GYG2: variants seen among roughly 807,000 people sequenced by gnomAD.
GYG2 encodes the protein glycogenin-2.
In GYG2, 29 loss-of-function variants were observed where a neutral mutation model predicts 29.4. That is an observed-to-expected ratio of 0.99 (90% CI 0.74 to 1.35). The LOEUF (loss-of-function observed/expected upper bound fraction) is 1.35, where lower values mean the gene tolerates loss of function less well. GYG2 is among the 40% of genes most tolerant of loss of function. The pLI is 0.00. For missense variants in GYG2, 370 were observed against 385.7 expected (o/e 0.96, Z 0.34); for synonymous variants, 167 against 172.3 (o/e 0.97, Z 0.24).
intron 3 of GYG2, among the ~76,000 whole-genome samples, chrX:2,852,203 G>A (rs1460505511): frequency 4.5e-5 from 5 of 112,116 alleles, no homozygotes; most frequent in African/African-American, 1.6e-4. Context: ...GCTGCAATGA[G>A]CTATGATTGC....
At chrX:2,830,602 C>G (rs2087243009) in intron 2 of GYG2, among the ~76,000 whole-genome samples, 1 of 111,789 alleles carries the variant, frequency 8.9e-6, no homozygotes, top group Admixed American at 9.4e-5. Flanking sequence ...ACTCAGACCA[C>G]GGTTTTAATT....
chrX:2,836,923 T>C (rs756103425), intron 2 of GYG2, among the ~76,000 whole-genome samples: 55 of 111,492 alleles, frequency 4.9e-4, no homozygotes, highest in South Asian at 2.7e-3. Flanking sequence ...GCTGAAATCA[T>C]ATCACTGCGC....
intron 3 of GYG2, among the ~76,000 whole-genome samples, chrX:2,844,553 CAT>C (rs377428832): frequency 4.4e-5 from 2 of 45,709 alleles, no homozygotes; most frequent in African/African-American, 8.4e-5. Context: ...TACGCACACG[CAT>C]GCGTATATGT....
rs1352916446 is a variant in GYG2, at chrX:2,881,807, C to T, written c.*594C>T. Reference sequence around the variant, plus strand: ...TAAATCCTAACAGGACTTCCTAGAGCGTTGACAGAAATTCTACTCGTGGAC... The same window carrying T: ...TAAATCCTAACAGGACTTCCTAGAGTGTTGACAGAAATTCTACTCGTGGAC... On this transcript the variant is annotated 3_prime_UTR_variant, in exon 11 of 11. Coordinates refer to ENST00000398806, the MANE Select transcript of GYG2 (RefSeq NM_001079855.2). 9.0e-6 allele frequency: 1 copy of T among 111,477 alleles called. No individual in the cohort carries two copies. The highest frequency in any genetic ancestry group is 1.9e-5 in the Non-Finnish European group (1 of 53,108). 9.2% of individuals were successfully genotyped at this position (111,477 alleles called of 1,213,427 possible).
At chrX:2,855,181 A>C (rs1161989701) in intron 5 of GYG2, 26 bp downstream of exon 5, 2 of 1,183,390 alleles carry the variant, frequency 1.7e-6, no homozygotes, top group South Asian at 3.7e-5. Flanking sequence ...CCGGACGCTT[A>C]GGGTCTCTGT....
rs763534786 is a variant in GYG2 at position 2,860,135 on chromosome X, G to A, written c.837+70G>A. 3.2e-4 allele frequency: 225 copies of A among 700,481 alleles called. No homozygotes were observed. In the African/African-American group the frequency reaches 4.3e-3, roughly 13 times the overall value. 57.7% of individuals were successfully genotyped at this position (700,481 alleles called of 1,213,427 possible). ...AACATCCTTGTCACCAAGGTCTGGC[G>A]TGGTTTTTTTTTGAAATGCCCCTTT... On this transcript the variant is annotated intron_variant, in intron 7 of 10. Coordinates refer to ENST00000398806, the MANE Select transcript of GYG2 (RefSeq NM_001079855.2).
At chrX:2,837,024 C>T (rs749148897) in intron 2 of GYG2, among the ~76,000 whole-genome samples, 12 of 111,322 alleles carry the variant, frequency 1.1e-4, no homozygotes, top group Admixed American at 2.9e-4. Context: ...TTGTGCCTCT[C>T]GGTTAAGATC....
At chrX:2,839,878 C>T (rs764969130) in intron 2 of GYG2, among the ~76,000 whole-genome samples, 1 of 112,338 alleles carries the variant, frequency 8.9e-6, no homozygotes, top group South Asian at 3.7e-4. Flanking sequence ...AGAAAGCGGA[C>T]TCATGGTTGC....
At chrX:2,871,191 T>C (rs1285780548) in intron 8 of GYG2, among the ~76,000 whole-genome samples, 1 of 109,583 alleles carries the variant, frequency 9.1e-6, no homozygotes, top group Non-Finnish European at 1.9e-5. Flanking sequence ...GGGTCCCTCA[T>C]TGGTCCTGAT....
chrX:2,852,276 G>T, intron 3 of GYG2, among the ~76,000 whole-genome samples: 1 of 111,474 alleles, frequency 9.0e-6, no homozygotes, highest in Middle Eastern at 4.6e-3. Context: ...ACTTATATTA[G>T]TGTAGGCTCA....
chrX:2,871,701 TAAATAAATAAA>T (rs1482968836), intron 8 of GYG2, among the ~76,000 whole-genome samples: 19 of 4,734 alleles, frequency 4.0e-3, no homozygotes, highest in Admixed American at 0.012. Flanking sequence ...AATAAATAAA[TAAATAAATAAA>T]TAAATAAATA....
Position 2,830,083 on chromosome X carries a change from C to T in GYG2, c.-106C>T, listed in dbSNP as rs2087228866. Reference sequence around the variant, plus strand: ...CAGGCCTGGAAATCCACGCGGATTCCCGGAGACGGCGCCTCTGCTCTGCGG... The same window carrying T: ...CAGGCCTGGAAATCCACGCGGATTCTCGGAGACGGCGCCTCTGCTCTGCGG... On this transcript the variant is annotated 5_prime_UTR_variant, in exon 2 of 11. Coordinates refer to ENST00000398806, the MANE Select transcript of GYG2 (RefSeq NM_001079855.2). The T allele has an allele frequency of 1.3e-6, 1 of 798,183 alleles. No homozygotes were observed. Among genetic ancestry groups the T allele is most frequent in the Admixed American group, 2.5e-5 (1 of 40,263 alleles). 65.8% of individuals were successfully genotyped at this position (798,183 alleles called of 1,213,427 possible). A position where few individuals can be genotyped will look rare whatever the true frequency, so the allele number is the denominator to read the frequency against.
chrX:2,876,943 C>T lies in GYG2; in HGVS notation c.1144-257C>T, dbSNP rs776139571. ...CAGCCTGGGCGACAGAGTGAGACTC[C>T]GTCTCAAAAAAAAAGTTATAATAAA... On this transcript the variant is annotated intron_variant, in intron 9 of 10. Transcript: ENST00000398806. 3.9e-4 allele frequency among the ~76,000 whole-genome samples: 43 copies of T among 109,776 alleles called. 1 individual carries two copies. The highest frequency in any genetic ancestry group is 1.3e-3 in the African/African-American group (40 of 30,184).
rs1021908248 is a variant in GYG2 at position 2,855,123 on chromosome X, T to C, written c.455T>C (p.Leu152Pro). 3.3e-6 allele frequency: 4 copies of C among 1,209,984 alleles called. No individual in the cohort carries two copies. Among genetic ancestry groups the C allele is most frequent in the Non-Finnish European group, 4.5e-6 (4 of 895,040 alleles). The change falls in exon 5 of 11, where the codon CTA becomes CCA. Residue 152 changes from leucine (L) to proline (P), a missense_variant. By Grantham distance (98) the Leu-to-Pro change is moderately conservative. Transcript: ENST00000398806. Reference protein sequence around the residue: ...QPSLHTHKLLLQHAMEHGSFD... With the variant: ...QPSLHTHKLLPQHAMEHGSFD... The stretch of plus-strand genomic sequence containing the variant: ...TCTCTCCACACGCATAAACTCCTGC[T>C]ACAGCACGCCATGGAACACGGCAGC...
chrX:2,854,838 G>T (rs942185831), intron 4 of GYG2, among the ~76,000 whole-genome samples, 155 bp from the exon 5 acceptor site: 1 of 112,246 alleles, frequency 8.9e-6, no homozygotes, highest in Admixed American at 9.4e-5. Context: ...AGGCTGAGGT[G>T]GGGGGATCGC....
chrX:2,857,390 A>G (rs945673563), intron 6 of GYG2, among the ~76,000 whole-genome samples: 1 of 59,991 alleles, frequency 1.7e-5, no homozygotes, highest in Non-Finnish European at 3.1e-5. Context: ...CTAGATTTAG[A>G]TCTTCATCCA....
At chrX:2,852,780 T>TA (rs1257157741) in intron 3 of GYG2, 3 of 111,617 alleles carry the variant, frequency 2.7e-5, no homozygotes, top group Non-Finnish European at 5.6e-5. Flanking sequence ...TTTTTCATAA[T>TA]ATTAATATTT....
At chrX:2,872,153 G>T (rs5982907) in intron 8 of GYG2, among the ~76,000 whole-genome samples, 3,207 of 112,029 alleles carry the variant, frequency 0.029, 127 homozygotes, top group African/African-American at 0.098. Flanking sequence ...CAGTTTCAGA[G>T]TCCCTTCTTT....
chrX:2,880,304 C>A (rs765936834), intron 10 of GYG2, among the ~76,000 whole-genome samples: 2 of 109,966 alleles, frequency 1.8e-5, no homozygotes, highest in Admixed American at 9.8e-5. Context: ...CCAAGCAGTC[C>A]AAATTCTTAT....
Sources: allele counts gnomAD v4.1 joint callset (sites outside exome capture counted in the v4.1 genomes callset), GRCh38; gene constraint gnomAD v4.1.1; transcripts MANE v1.5; gene names NCBI Gene and HGNC (gene_info 2026-07-23, HGNC 2026-07-21).